Variants in SCAMP2 observed in about 807,000 individuals in gnomAD.
SCAMP2 encodes secretory carrier-associated membrane protein 2.
Under a neutral mutation model 44.1 loss-of-function variants are expected in SCAMP2, and 25 were observed. The observed-to-expected ratio is 0.57, with a 90% CI of 0.41 to 0.79. SCAMP2 has a LOEUF of 0.79. Ranked by LOEUF, SCAMP2 falls within the 30% of genes least tolerant of loss-of-function variation. The pLI, the probability that SCAMP2 is intolerant of heterozygous loss-of-function variation, is 0.00. For synonymous variants in SCAMP2, 156 were observed against 166.0 expected (o/e 0.94, Z 0.46); for missense variants, 355 against 411.0 (o/e 0.86, Z 1.18).
chr15:74,866,766 G>C (rs1276849811), intron 1 of SCAMP2, among the ~76,000 whole-genome samples: 1 of 151,388 alleles, frequency 6.6e-6, no homozygotes, highest in Non-Finnish European at 1.5e-5. Flanking sequence ...CTTGTGATGT[G>C]CTGTCACTCT....
At chr15:74,856,247 C>A (rs938436977) in intron 1 of SCAMP2, among the ~76,000 whole-genome samples, 8 of 150,294 alleles carry the variant, frequency 5.3e-5, no homozygotes. Context: ...CCACTGGAAG[C>A]CTCTGCAGAG....
chr15:74,863,279 G>A (rs560897679), intron 1 of SCAMP2, among the ~76,000 whole-genome samples: 2 of 151,850 alleles, frequency 1.3e-5, no homozygotes, highest in Admixed American at 6.6e-5. Flanking sequence ...TGGGAGGCGG[G>A]GAGATTGCAG....
At chr15:74,852,216 G>A (rs2064440462) in intron 3 of SCAMP2, 30 bp from the exon 4 acceptor site, 2 of 1,419,622 alleles carry the variant, frequency 1.4e-6, no homozygotes, top group East Asian at 2.7e-5. Context: ...TACAGGGACA[G>A]CCAGACACAA....
chr15:74,871,752 CAAAA>C (rs372171871), intron 1 of SCAMP2, among the ~76,000 whole-genome samples: 9 of 131,164 alleles, frequency 6.9e-5, no homozygotes, highest in African/African-American at 2.6e-4. Flanking sequence ...AACTCTGTCT[CAAAA>C]AAAAGAGGCC....
In SCAMP2 at chr15:74,850,588, G is replaced by A. The variant is rs753603748; in HGVS notation, c.558C>T (p.Leu186=). ...GNSSKGVDFG[L]SILWFLIFTP... is the part of the protein sequence containing the mutation. ...TGAAGATCAGAAACCACAGGATGGA[G>A]AGGCCAAAGTCCACTCCCTTGGAGC... is the stretch of plus-strand genomic sequence containing the variant. Residue 186 remains leucine (L), a synonymous_variant, in exon 6 of 9, where the codon CTC becomes CTT. Coordinates refer to ENST00000268099, the MANE Select transcript of SCAMP2 (RefSeq NM_005697.5). The A allele has an allele frequency of 6.2e-7, 1 of 1,614,156 alleles. No individual in the cohort carries two copies. The highest frequency in any genetic ancestry group is 8.5e-7 in the Non-Finnish European group (1 of 1,180,006).
intron 1 of SCAMP2, among the ~76,000 whole-genome samples, chr15:74,856,072 AG>A (rs1363557577): frequency 9.2e-5 from 14 of 151,918 alleles, no homozygotes; most frequent in Non-Finnish European, 1.5e-5. Context: ...TGCAGGGCTC[AG>A]GTCCAGCTTC....
chr15:74,854,006 C>A lies in SCAMP2; in HGVS notation c.225+15G>T, dbSNP rs1180439188. On this transcript the variant is annotated intron_variant, in intron 3 of 8. Transcript: ENST00000268099. ...TCACTGGAGAGAAAAGGCCAGAGTT[C>A]TTTGTCAGCACTACCTGGGGGGTCG... 6.2e-7 allele frequency: 1 copy of A among 1,607,828 alleles called. No homozygotes were observed. Among genetic ancestry groups the A allele is most frequent in the South Asian group, 1.1e-5 (1 of 90,942 alleles).
intron 3 of SCAMP2, 96 bp from the exon 4 acceptor site, chr15:74,852,282 G>C: frequency 1.2e-6 from 1 of 859,596 alleles, no homozygotes; most frequent in Non-Finnish European, 1.7e-6. Flanking sequence ...GCCCCAGGCA[G>C]GGACAGCCAT....
chr15:74,864,041 C>A (rs1170465801), intron 1 of SCAMP2, among the ~76,000 whole-genome samples: 1 of 151,998 alleles, frequency 6.6e-6, no homozygotes, highest in East Asian at 1.9e-4. Context: ...GCCACAGGAT[C>A]TTTATTTATT....
At chr15:74,861,257 G>A (rs1387027440) in intron 1 of SCAMP2, among the ~76,000 whole-genome samples, 1 of 152,116 alleles carries the variant, frequency 6.6e-6, no homozygotes, top group Non-Finnish European at 1.5e-5. Context: ...CAACACTCTG[G>A]AACCTCTGTG....
intron 1 of SCAMP2, among the ~76,000 whole-genome samples, chr15:74,861,900 CAAAAAAA>C (rs71140103): frequency 1.4e-4 from 6 of 44,298 alleles, no homozygotes; most frequent in South Asian, 8.1e-4. Context: ...GACTCTGTCT[CAAAAAAA>C]AAAAAAAAAA....
intron 1 of SCAMP2, among the ~76,000 whole-genome samples, chr15:74,866,899 C>G (rs1276726967): frequency 1.3e-5 from 2 of 151,494 alleles, no homozygotes; most frequent in African/African-American, 4.9e-5. Context: ...CGGGTTCAAG[C>G]GATTCTCCTG....
Position 74,848,788 on chromosome 15 carries a change from G to A in SCAMP2, c.633-87C>T, listed in dbSNP as rs60757109. On this transcript the variant is annotated intron_variant, in intron 6 of 8. Transcript: ENST00000268099. ...CTTGGTGTGACATCCCTCCTCACTA[G>A]GAGCCAGGAGGCAGCATGGGCAAGA... 17 of 919,022 alleles carry A rather than the reference G, an allele frequency of 1.8e-5. No homozygotes were observed. In the African/African-American group the frequency reaches 2.8e-4, roughly 15 times the overall value. 56.9% of individuals were successfully genotyped at this position (919,022 alleles called of 1,614,324 possible).
chr15:74,872,277 G>C (rs1265311075), intron 1 of SCAMP2, among the ~76,000 whole-genome samples: 1 of 152,016 alleles, frequency 6.6e-6, no homozygotes, highest in Non-Finnish European at 1.5e-5. Flanking sequence ...GCTGGGTGTG[G>C]TGGCATACGC....
chr15:74,854,251 T>C, intron 2 of SCAMP2, 132 bp from the exon 3 acceptor site: 1 of 836,614 alleles, frequency 1.2e-6, no homozygotes, highest in Non-Finnish European at 2.0e-6. Context: ...CACTGGGCCT[T>C]CCCCTGTGGC....
chr15:74,854,057 G>A lies in SCAMP2; in HGVS notation c.189C>T (p.Leu63=), dbSNP rs1265043509. 6.2e-7 allele frequency: 1 copy of A among 1,614,200 alleles called. No homozygotes were observed. The highest frequency in any genetic ancestry group is 8.5e-7 in the Non-Finnish European group (1 of 1,180,024). The change falls in exon 3 of 9, where the codon CTC becomes CTT. Residue 63 remains leucine, a synonymous_variant. Transcript: ENST00000268099. ...QLPGSSQPAV[L]QPSVEPTQPT... Reference sequence around the variant, plus strand: ...GCTGGGTTGGTTCCACTGATGGCTGGAGAACCGCTGGCTGTGAGGACCCAG... The same window carrying A: ...GCTGGGTTGGTTCCACTGATGGCTGAAGAACCGCTGGCTGTGAGGACCCAG...
Position 74,872,061 on chromosome 15 carries a change from A to G in SCAMP2, c.57+1138T>C, listed in dbSNP as rs1168105209. On this transcript the variant is annotated intron_variant, in intron 1 of 8. Coordinates refer to ENST00000268099, the MANE Select transcript of SCAMP2 (RefSeq NM_005697.5). ...ATTGTCTCAAAAAACAAAACAAAAC[A>G]AAACAAAAAAAAAGGAAAAGAAAGA... is the stretch of plus-strand genomic sequence containing the variant. Among the ~76,000 whole-genome samples the G allele has an allele frequency of 2.0e-5, 3 of 151,512 alleles. No individual in the cohort carries two copies. The East Asian group carries it at 5.8e-4, about 29-fold the overall frequency.
At chr15:74,846,432 T>G (rs1596413005) in intron 7 of SCAMP2, among the ~76,000 whole-genome samples, 3 of 129,380 alleles carry the variant, frequency 2.3e-5, no homozygotes, top group African/African-American at 3.0e-5. Context: ...AGCAACAGAG[T>G]GAGACCCTGT....
At chr15:74,863,482 G>A (rs1348926345) in intron 1 of SCAMP2, among the ~76,000 whole-genome samples, 1 of 151,278 alleles carries the variant, frequency 6.6e-6, no homozygotes, top group Non-Finnish European at 1.5e-5. Context: ...CTGCACCCTG[G>A]CCTGGGTGAC....
Sources: gnomAD v4.1 joint callset for allele counts (sites outside exome capture counted in the v4.1 genomes callset) on GRCh38, gnomAD v4.1.1 for gene constraint, MANE v1.5 for transcripts, NCBI Gene and HGNC (gene_info 2026-07-23, HGNC 2026-07-21) for gene names.